Variants in TRPC4 observed in about 807,000 individuals in gnomAD.
The protein encoded by TRPC4 is transient receptor potential cation channel subfamily C member 4, also known as short transient receptor potential channel 4.
In TRPC4, 49 loss-of-function variants were observed where a neutral mutation model predicts 99.4. The ratio of observed to expected loss-of-function variants is 0.49; its 90% CI spans 0.39 to 0.63. The LOEUF is 0.63. Ranked by LOEUF, TRPC4 falls within the 20% of genes least tolerant of loss-of-function variation. The pLI, the probability that TRPC4 is intolerant of heterozygous loss-of-function variation, is 0.00. For synonymous variants in TRPC4, 454 were observed against 425.9 expected (o/e 1.07, Z -0.81); for missense variants, 898 against 1,152.9 (o/e 0.78, Z 3.20).
intron 1 of TRPC4, among the ~76,000 whole-genome samples, chr13:37,828,086 C>T (rs1958301489): frequency 6.6e-6 from 1 of 152,222 alleles, no homozygotes; most frequent in Admixed American, 6.5e-5. Flanking sequence ...AACTCCCTGA[C>T]CCCTTGAGCT....
chr13:37,682,792 C>G (rs758458972), intron 4 of TRPC4, among the ~76,000 whole-genome samples: 1 of 152,078 alleles, frequency 6.6e-6, no homozygotes, highest in African/African-American at 2.4e-5. Flanking sequence ...ACCCTGTTTC[C>G]CAGGCTGCAG....
chr13:37,865,706 G>C (rs1421134113), intron 1 of TRPC4, among the ~76,000 whole-genome samples: 1 of 151,620 alleles, frequency 6.6e-6, no homozygotes, highest in African/African-American at 2.4e-5. Context: ...ATTATTGATT[G>C]TATTTTAGAA....
chr13:37,790,750 TC>T (rs1957097833), intron 1 of TRPC4, among the ~76,000 whole-genome samples: 2 of 152,176 alleles, frequency 1.3e-5, no homozygotes, highest in East Asian at 3.9e-4. Context: ...TATATTATCC[TC>T]CCCCCTTTGG....
chr13:37,865,122 TATC>T (rs1959651064), intron 1 of TRPC4, among the ~76,000 whole-genome samples: 1 of 151,756 alleles, frequency 6.6e-6, no homozygotes, highest in Non-Finnish European at 1.5e-5. Context: ...GTTTAGTAAA[TATC>T]ATGACAAATT....
At chr13:37,733,693 A>G (rs1593613941) in intron 3 of TRPC4, among the ~76,000 whole-genome samples, 1 of 152,162 alleles carries the variant, frequency 6.6e-6, no homozygotes, top group Non-Finnish European at 1.5e-5. Flanking sequence ...GTTTTTTCCT[A>G]ATTTCAGCTT....
intron 1 of TRPC4, among the ~76,000 whole-genome samples, chr13:37,820,267 A>T (rs1957975662): frequency 6.6e-6 from 1 of 152,048 alleles, no homozygotes; most frequent in African/African-American, 2.4e-5. Context: ...TCCTGAACAG[A>T]CCAATAACAA....
intron 1 of TRPC4, among the ~76,000 whole-genome samples, chr13:37,812,176 C>CAAAAAAAAAAAAAAAAAAAA (rs61607544): frequency 2.0e-4 from 11 of 55,156 alleles, no homozygotes; most frequent in African/African-American, 3.2e-4. Flanking sequence ...GAGACTCTAT[C>CAAAAAAAAAAAAAAAAAAAA]AAAAAAAAAA....
chr13:37,802,330 T>A (rs558260386), intron 1 of TRPC4, among the ~76,000 whole-genome samples: 1 of 152,264 alleles, frequency 6.6e-6, no homozygotes, highest in South Asian at 2.1e-4. Flanking sequence ...TCTTTCAGGA[T>A]CCATCTCAGG....
intron 6 of TRPC4, 35 bp downstream of exon 6, chr13:37,663,381 A>G: frequency 6.4e-7 from 1 of 1,571,234 alleles, no homozygotes; most frequent in Non-Finnish European, 8.6e-7. Flanking sequence ...TAAATGCTGT[A>G]CAACATTACC....
chr13:37,760,958 T>A (rs905805885), intron 2 of TRPC4, among the ~76,000 whole-genome samples: 3 of 151,970 alleles, frequency 2.0e-5, no homozygotes, highest in African/African-American at 7.2e-5. Flanking sequence ...CTGTCTACTT[T>A]GAATTAAAAA....
chr13:37,647,609 C>A (rs1212621270), intron 8 of TRPC4, among the ~76,000 whole-genome samples: 1 of 152,160 alleles, frequency 6.6e-6, no homozygotes, highest in Non-Finnish European at 1.5e-5. Flanking sequence ...TCTAAGAGAG[C>A]ATGAGACAAT....
intron 4 of TRPC4, among the ~76,000 whole-genome samples, chr13:37,689,519 AG>A (rs1156455725): frequency 6.6e-6 from 1 of 152,210 alleles, no homozygotes; most frequent in Admixed American, 6.5e-5. Flanking sequence ...TTTTAATTCT[AG>A]GAAATCTCTT....
chr13:37,750,623 C>T (rs1331384067), intron 2 of TRPC4, among the ~76,000 whole-genome samples: 1 of 152,012 alleles, frequency 6.6e-6, no homozygotes, highest in East Asian at 1.9e-4. Flanking sequence ...TGGTCAAATG[C>T]ATAATGTTTT....
intron 2 of TRPC4, among the ~76,000 whole-genome samples, chr13:37,752,082 T>TATATATAG (rs1261817463): frequency 8.3e-6 from 1 of 120,440 alleles, no homozygotes; most frequent in African/African-American, 3.0e-5. Context: ...AAACTATATA[T>TATATATAG]ATATATATAT....
At chr13:37,819,764 C>A (rs1160735646) in intron 1 of TRPC4, among the ~76,000 whole-genome samples, 1 of 151,290 alleles carries the variant, frequency 6.6e-6, no homozygotes, top group African/African-American at 2.4e-5. Context: ...TACAACGAAC[C>A]CTCATTACAC....
chr13:37,670,716 T>C (rs1313383928), intron 5 of TRPC4, among the ~76,000 whole-genome samples: 1 of 152,206 alleles, frequency 6.6e-6, no homozygotes, highest in Admixed American at 6.5e-5. Context: ...TGGATCCTTA[T>C]AATTTATAGG....
At chr13:37,691,163 G>A (rs9532101) in intron 4 of TRPC4, among the ~76,000 whole-genome samples, 40,969 of 151,798 alleles carry the variant, frequency 0.27, 5,717 homozygotes, top group Admixed American at 0.33. Context: ...CTACAGTGGC[G>A]TGATCTGGGA....
intron 4 of TRPC4, among the ~76,000 whole-genome samples, chr13:37,683,028 G>T (rs1263830122): frequency 6.6e-6 from 1 of 151,414 alleles, no homozygotes; most frequent in Non-Finnish European, 1.5e-5. Context: ...GCCTTCCAAG[G>T]AGGGAGCTTG....
At chr13:37,724,604 T>TA (rs1336741259) in intron 3 of TRPC4, among the ~76,000 whole-genome samples, 1 of 152,004 alleles carries the variant, frequency 6.6e-6, no homozygotes, top group Non-Finnish European at 1.5e-5. Flanking sequence ...AAGCGGTTTT[T>TA]TTTGTTTGCT....
Sources: gnomAD v4.1 joint callset for allele counts (sites outside exome capture counted in the v4.1 genomes callset) on GRCh38, gnomAD v4.1.1 for gene constraint, MANE v1.5 for transcripts, NCBI Gene and HGNC (gene_info 2026-07-23, HGNC 2026-07-21) for gene names.